NDUFAF6: variants seen among roughly 807,000 people sequenced by gnomAD.
NDUFAF6 encodes NADH dehydrogenase (ubiquinone) complex I, assembly factor 6.
NDUFAF6 carries 45 observed loss-of-function variants against 40.8 expected under a neutral mutation model. The ratio of observed to expected loss-of-function variants is 1.10; its 90% confidence interval spans 0.87 to 1.42. NDUFAF6 has a LOEUF of 1.42. NDUFAF6 is among the 40% of genes most tolerant of loss of function. The probability of loss-of-function intolerance (pLI) is 0.00; values close to 1 mark genes in which losing one functional copy is unlikely to be tolerated. For synonymous variants in NDUFAF6, 185 were observed against 155.9 expected, an observed-to-expected ratio of 1.19 and a Z score of -1.39; for missense variants, 435 against 418.5, an observed-to-expected ratio of 1.04 and a Z score of -0.34.
At chr8:94,943,941 A>G (rs1311906090) in intron 1 of NDUFAF6, among the ~76,000 whole-genome samples, 7 of 152,208 alleles carry the variant, frequency 4.6e-5, no homozygotes, top group Non-Finnish European at 1.0e-4. Flanking sequence ...AATCAGAAGA[A>G]AAGTGTAGTT....
downstream of NDUFAF6, among the ~76,000 whole-genome samples, chr8:95,059,449 G>T (rs948587853): frequency 6.6e-6 from 1 of 152,178 alleles, no homozygotes; most frequent in African/African-American, 2.4e-5. Flanking sequence ...GTGCAATGTG[G>T]TTGTATATGC....
At chr8:95,032,604 A>G (rs1168864287) in intron 2 of NDUFAF6, among the ~76,000 whole-genome samples, 1 of 152,248 alleles carries the variant, frequency 6.6e-6, no homozygotes, top group Non-Finnish European at 1.5e-5. Flanking sequence ...TTAGAATGGA[A>G]AGAATATGTA....
At chr8:94,997,807 G>A (rs1215253514) in intron 2 of NDUFAF6, among the ~76,000 whole-genome samples, 2 of 152,198 alleles carry the variant, frequency 1.3e-5, no homozygotes, top group African/African-American at 4.8e-5. Flanking sequence ...CCAGCCAGAG[G>A]TCTGGTGGAA....
chr8:94,981,945 A>T (rs77352835), intron 2 of NDUFAF6, among the ~76,000 whole-genome samples: 1 of 151,478 alleles, frequency 6.6e-6, no homozygotes, highest in African/African-American at 2.4e-5. Flanking sequence ...AAAAAAAAAA[A>T]TTGGCCAGGC....
upstream of NDUFAF6, among the ~76,000 whole-genome samples, chr8:95,024,696 C>T (rs1827859857): frequency 6.6e-6 from 1 of 152,164 alleles, no homozygotes; most frequent in Non-Finnish European, 1.5e-5. Context: ...ATTTTGGCAG[C>T]TACTTCCTTC....
At chr8:95,052,489 A>G (rs755513835) in intron 8 of NDUFAF6, among the ~76,000 whole-genome samples, 7 of 152,184 alleles carry the variant, frequency 4.6e-5, no homozygotes, top group African/African-American at 7.2e-5. Flanking sequence ...GCCCCTTACT[A>G]GCAATGGGAC....
upstream of NDUFAF6, among the ~76,000 whole-genome samples, chr8:95,098,697 T>A (rs751513729): frequency 8.7e-5 from 13 of 149,064 alleles, no homozygotes; most frequent in Non-Finnish European, 1.9e-4. Context: ...TAAGTCTTAT[T>A]AAAAACTCTA....
At chr8:94,992,645 T>G (rs2131620960) in intron 2 of NDUFAF6, among the ~76,000 whole-genome samples, 1 of 152,334 alleles carries the variant, frequency 6.6e-6, no homozygotes, top group East Asian at 1.9e-4. Flanking sequence ...GTGTGTCAAT[T>G]AATAATTGTT....
intron 2 of NDUFAF6, chr8:94,950,986 T>G (rs1230326006): frequency 2.0e-5 from 3 of 152,254 alleles, no homozygotes; most frequent in African/African-American, 7.2e-5. Context: ...ATCTCCATCA[T>G]GAAGTGGGTG....
At chr8:94,935,178 A>G (rs1820863659) in intron 1 of NDUFAF6, among the ~76,000 whole-genome samples, 1 of 91,468 alleles carries the variant, frequency 1.1e-5, no homozygotes, top group African/African-American at 4.0e-5. Flanking sequence ...GATAGATATA[A>G]TACAATACTT....
At chr8:95,027,517 C>G (rs571846220) in intron 1 of NDUFAF6, among the ~76,000 whole-genome samples, 11 of 149,572 alleles carry the variant, frequency 7.4e-5, no homozygotes, top group African/African-American at 2.5e-4. Flanking sequence ...GAGGTTGAGG[C>G]TGCAGTGAGC....
chr8:95,069,807 A>ATATAAATATATATATATATAATATATATG (rs1832794216), intron 9 of NDUFAF6, among the ~76,000 whole-genome samples: 2 of 145,218 alleles, frequency 1.4e-5, no homozygotes, highest in African/African-American at 2.5e-5. Flanking sequence ...ATATATATAT[A>ATATAAATATATATATATATAATATATATG]TATAAATATA....
chr8:95,026,687 AT>A (rs1828183694), intron 1 of NDUFAF6, among the ~76,000 whole-genome samples: 1 of 152,220 alleles, frequency 6.6e-6, no homozygotes, highest in African/African-American at 2.4e-5. Flanking sequence ...CGCTAGTGTC[AT>A]AACTTTGCAG....
chr8:94,958,522 C>CTTTTTTTTTTTTTTT (rs55703438), intron 1 of NDUFAF6, among the ~76,000 whole-genome samples: 4 of 71,244 alleles, frequency 5.6e-5, no homozygotes, highest in African/African-American at 1.2e-4. Context: ...TAGTCACATT[C>CTTTTTTTTTTTTTTT]TTTTTTTTTT....
At chr8:94,904,623 G>A (rs562179389) in intron 1 of NDUFAF6, among the ~76,000 whole-genome samples, 1 of 151,548 alleles carries the variant, frequency 6.6e-6, no homozygotes, top group Non-Finnish European at 1.5e-5. Flanking sequence ...TGTCTTCCAC[G>A]GTATCTTTCA....
rs994465627 is a variant in NDUFAF6, at chr8:94,913,370, T to A, written c.-936+17443T>A. 8.5e-5 allele frequency among the ~76,000 whole-genome samples: 13 copies of A among 152,362 alleles called. 1 individual carries two copies. Among genetic ancestry groups the A allele is most frequent in the Admixed American group, 3.3e-4 (5 of 15,302 alleles). ...ACTGCCATAAACTCATGTTCACTGATAAATGTACATGGCTCAAAGCCCACC... is the reference window on the plus strand; with the variant it reads ...ACTGCCATAAACTCATGTTCACTGAAAAATGTACATGGCTCAAAGCCCACC... On this transcript the variant is annotated intron_variant, in intron 1 of 14. Transcript: ENST00000396113.
chr8:95,059,635 G>A (rs1030762712), downstream of NDUFAF6, among the ~76,000 whole-genome samples: 9 of 152,050 alleles, frequency 5.9e-5, no homozygotes, highest in Non-Finnish European at 1.3e-4. Flanking sequence ...GATCACCTGA[G>A]GTCACGAGTT....
At chr8:94,981,364 A>G (rs990299908) in intron 2 of NDUFAF6, among the ~76,000 whole-genome samples, 1 of 152,220 alleles carries the variant, frequency 6.6e-6, no homozygotes, top group East Asian at 1.9e-4. Flanking sequence ...CTGTGAGCCT[A>G]ATAAACCTCT....
chr8:95,003,487 TTTAGAGACAGGTCTAAAATGCTA>T (rs923130878), intron 2 of NDUFAF6, among the ~76,000 whole-genome samples: 3 of 152,220 alleles, frequency 2.0e-5, no homozygotes, highest in Non-Finnish European at 2.9e-5. Flanking sequence ...CAGAGGAGAA[TTTAGAGACAGGTCTAAAATGCTA>T]TTAGAGACAG....
Sources: allele counts gnomAD v4.1 joint callset (sites outside exome capture counted in the v4.1 genomes callset), GRCh38; gene constraint gnomAD v4.1.1; transcripts MANE v1.5; gene names NCBI Gene and HGNC (gene_info 2026-07-23, HGNC 2026-07-21).